BTBD8: variants seen among roughly 807,000 people sequenced by gnomAD.
BTBD8 encodes BTB/POZ domain-containing protein 8.
In BTBD8, 110 loss-of-function variants were observed where a neutral mutation model predicts 162.9. That is an observed-to-expected ratio of 0.68 (90% CI 0.58 to 0.79). The LOEUF (loss-of-function observed/expected upper bound fraction) is 0.79, where lower values mean the gene tolerates loss of function less well. Among genes scored for constraint, BTBD8 ranks in the 30% least tolerant of loss-of-function variants. BTBD8 has a pLI of 0.00. For missense variants in BTBD8, 1,905 were observed against 2,085.4 expected, an observed-to-expected ratio of 0.91 and a Z score of 1.68; for synonymous variants, 667 against 716.1, an observed-to-expected ratio of 0.93 and a Z score of 1.10.
intron 2 of BTBD8, among the ~76,000 whole-genome samples, chr1:92,102,261 T>TC (rs1174464214): frequency 5.9e-5 from 9 of 152,028 alleles, no homozygotes; most frequent in Non-Finnish European, 1.0e-4. Flanking sequence ...TCAAATGGTC[T>TC]CCCCACCTCG....
At chr1:92,171,497 GAT>G (rs1650545852) in intron 13 of BTBD8, 37 bp downstream of exon 13, 1 of 1,224,732 alleles carries the variant, frequency 8.2e-7, no homozygotes, top group Non-Finnish European at 1.1e-6. Flanking sequence ...AAATGAAAAA[GAT>G]AACAAATTAT....
At chr1:92,150,299 T>C (rs1650016296) in intron 9 of BTBD8, among the ~76,000 whole-genome samples, 1 of 89,018 alleles carries the variant, frequency 1.1e-5, no homozygotes, top group South Asian at 5.2e-4. Flanking sequence ...AATTGTGAGC[T>C]ATACATACAT....
chr1:92,180,611 T>C lies in BTBD8; in HGVS notation c.2928T>C (p.Asn976=). The C allele has an allele frequency of 6.4e-7, 1 of 1,551,072 alleles. No individual in the cohort carries two copies. The highest frequency in any genetic ancestry group is 8.7e-7 in the Non-Finnish European group (1 of 1,146,836). The change falls in exon 17 of 18, where the codon AAT becomes AAC. Residue 976 remains asparagine, a synonymous_variant. Transcript: ENST00000636805. ...GTATGTTTCATGATGTGCGTGATAATAACAACAAGGACAGTGTTTCTGAAC... is the reference window on the plus strand; with the variant it reads ...GTATGTTTCATGATGTGCGTGATAACAACAACAAGGACAGTGTTTCTGAAC... ...QKSMFHDVRD[N]NNKDSVSEQK...
At chr1:92,139,170 ATTG>A (rs1264433382) in intron 5 of BTBD8, among the ~76,000 whole-genome samples, 177 bp from the exon 6 acceptor site, 2 of 152,214 alleles carry the variant, frequency 1.3e-5, no homozygotes, top group Non-Finnish European at 2.9e-5. Context: ...ATAAAAATCC[ATTG>A]TTGTAGTTCT....
chr1:92,154,856 A>G (rs1303378570), intron 9 of BTBD8, among the ~76,000 whole-genome samples: 1 of 152,188 alleles, frequency 6.6e-6, no homozygotes, highest in Non-Finnish European at 1.5e-5. Context: ...ACCAAGACCA[A>G]TGTCATGAAG....
intron 2 of BTBD8, among the ~76,000 whole-genome samples, chr1:92,092,900 T>C (rs1363076342): frequency 6.6e-6 from 1 of 152,216 alleles, no homozygotes; most frequent in African/African-American, 2.4e-5. Context: ...TACATTAGTA[T>C]AGAAAATTAT....
intron 13 of BTBD8, among the ~76,000 whole-genome samples, chr1:92,173,901 G>A (rs950391172): frequency 6.6e-6 from 1 of 152,164 alleles, no homozygotes; most frequent in Non-Finnish European, 1.5e-5. Flanking sequence ...GGAGGTGGGA[G>A]AAAGTTAATC....
At chr1:92,176,259 T>C (rs1056966514) in intron 13 of BTBD8, among the ~76,000 whole-genome samples, 3 of 152,208 alleles carry the variant, frequency 2.0e-5, no homozygotes, top group Non-Finnish European at 4.4e-5. Context: ...CAAATTATGC[T>C]ATATAGATGA....
Position 92,081,036 on chromosome 1 carries a change from C to T in BTBD8, c.149+316C>T, listed in dbSNP as rs116190447. ...CTTAGTTGTTTCCAATCACTAAGGT[C>T]GGGTGGATCCAGGTCCTGAAACTTA... On this transcript the variant is annotated intron_variant, in intron 1 of 17. Transcript: ENST00000636805. Among the ~76,000 whole-genome samples, 412 of 152,226 alleles carry T rather than the reference C, an allele frequency of 2.7e-3. 1 individual carries two copies. The highest frequency in any genetic ancestry group is 3.5e-3 in the Non-Finnish European group (236 of 68,020).
chr1:92,103,874 C>T (rs956174463), intron 3 of BTBD8, among the ~76,000 whole-genome samples: 4 of 152,144 alleles, frequency 2.6e-5, no homozygotes, highest in African/African-American at 9.7e-5. Context: ...CAGGTCAGAC[C>T]ATGCTAAAAC....
chr1:92,085,743 T>G (rs1387898235), intron 1 of BTBD8, among the ~76,000 whole-genome samples: 1 of 151,912 alleles, frequency 6.6e-6, no homozygotes, highest in Non-Finnish European at 1.5e-5. Flanking sequence ...AATAATAATT[T>G]ACAGGCTAGG....
At chr1:92,147,077 T>G in intron 7 of BTBD8, 103 bp from the exon 8 acceptor site, 3 of 719,802 alleles carry the variant, frequency 4.2e-6, no homozygotes, top group Non-Finnish European at 6.6e-6. Flanking sequence ...GTTGTATGTG[T>G]TCTGCAGTTT....
chr1:92,175,613 G>A (rs557391341), intron 13 of BTBD8, among the ~76,000 whole-genome samples: 20 of 151,656 alleles, frequency 1.3e-4, no homozygotes, highest in Non-Finnish European at 2.4e-4. Flanking sequence ...TGGGCAACAC[G>A]GTGAAACCCT....
At chr1:92,111,889 AC>A (rs1309820021) in intron 4 of BTBD8, among the ~76,000 whole-genome samples, 1 of 152,224 alleles carries the variant, frequency 6.6e-6, no homozygotes, top group Middle Eastern at 3.2e-3. Context: ...GTATGAGGCA[AC>A]AAAAAAGCAG....
At chr1:92,102,021 A>T (rs1462413288) in intron 2 of BTBD8, among the ~76,000 whole-genome samples, 1 of 151,632 alleles carries the variant, frequency 6.6e-6, no homozygotes, top group Non-Finnish European at 1.5e-5. Flanking sequence ...TTTATTTATT[A>T]TTATTATTAT....
chr1:92,132,833 T>A (rs988179373), intron 5 of BTBD8, among the ~76,000 whole-genome samples: 1 of 149,496 alleles, frequency 6.7e-6, no homozygotes, highest in Non-Finnish European at 1.5e-5. Context: ...AAGATACTTT[T>A]GTTGTTGTTG....
chr1:92,181,283 G>C lies in BTBD8; in HGVS notation c.3600G>C (p.Lys1200Asn). 6.4e-7 allele frequency: 1 copy of C among 1,551,614 alleles called. No homozygotes were observed. Among genetic ancestry groups the C allele is most frequent in the Non-Finnish European group, 8.7e-7 (1 of 1,146,982 alleles). The change falls in exon 17 of 18, where the codon AAG becomes AAC. Residue 1200 changes from lysine (K) to asparagine (N), a missense_variant. By Grantham distance (94) the Lys-to-Asn change is moderately conservative. This residue lies in a region of BTBD8 where 1,374 missense variants were observed against 1,442.7 expected (regional missense o/e 0.95). Transcript: ENST00000636805. The stretch of plus-strand genomic sequence containing the variant: ...CAGCAGACTCAGATGTATCTTCCAA[G>C]TGTTTTTCGGGACAGCTATCAGAAA... ...HATADSDVSS[K>N]CFSGQLSEKN...
chr1:92,160,810 A>C (rs1012776112), intron 9 of BTBD8, among the ~76,000 whole-genome samples: 1 of 152,176 alleles, frequency 6.6e-6, no homozygotes, highest in African/African-American at 2.4e-5. Flanking sequence ...CAGATGGCTA[A>C]GACATGCTAG....
intron 4 of BTBD8, among the ~76,000 whole-genome samples, chr1:92,110,609 C>T (rs562078832): frequency 2.0e-5 from 3 of 152,314 alleles, no homozygotes; most frequent in African/African-American, 7.2e-5. Context: ...CATCTGGGAT[C>T]TCGGCTCACT....
Sources: allele counts gnomAD v4.1 joint callset (sites outside exome capture counted in the v4.1 genomes callset), GRCh38; gene constraint gnomAD v4.1.1; regional missense constraint gnomAD v4.1.1; transcripts MANE v1.5; gene names NCBI Gene and HGNC (gene_info 2026-07-23, HGNC 2026-07-21).